CUX1: variants seen among roughly 807,000 people sequenced by gnomAD.
CUX1 encodes the protein cut like homeobox 1.
CUX1 carries 31 observed loss-of-function variants against 158.8 expected under a neutral mutation model. The ratio of observed to expected loss-of-function variants is 0.20; its 90% CI spans 0.15 to 0.26. The LOEUF (loss-of-function observed/expected upper bound fraction) is 0.26. CUX1 is among the 10% of genes least tolerant of loss of function. The pLI, the probability that CUX1 is intolerant of heterozygous loss-of-function variation, is 1.00. For missense variants in CUX1, 1,589 were observed against 2,014.6 expected, an observed-to-expected ratio of 0.79 and a Z score of 4.04; for synonymous variants, 879 against 862.1, an observed-to-expected ratio of 1.02 and a Z score of -0.34.
intron 2 of CUX1, among the ~76,000 whole-genome samples, chr7:101,930,918 G>A (rs1034379918): frequency 2.6e-5 from 4 of 152,280 alleles, no homozygotes; most frequent in South Asian, 2.1e-4. Flanking sequence ...CCAACATGGC[G>A]AAACCCCGTC....
rs1462868599 is a variant in CUX1 at position 102,256,362 on chromosome 7, A to G, written c.*7320A>G. The G allele has an allele frequency of 1.0e-6, 1 of 984,414 alleles. No homozygotes were observed. Among genetic ancestry groups the G allele is most frequent in the Non-Finnish European group, 1.2e-6 (1 of 829,720 alleles). 61.0% of individuals were successfully genotyped at this position (984,414 alleles called of 1,614,324 possible). On this transcript the variant is annotated 3_prime_UTR_variant, in exon 24 of 24. Transcript: ENST00000292535. ...TCTTCTATTTATTATTAGGTTAATC[A>G]TTTAAGTACTTATCAGGAGTGTATT... is the stretch of plus-strand genomic sequence containing the variant.
At chr7:102,280,049 G>T in exon 19 of CUX1, 1 of 1,608,162 alleles carries the variant, frequency 6.2e-7, no homozygotes. Context: ...CAGCGGCAGT[G>T]ATGACACGGA....
chr7:102,234,745 C>T (rs1799360401), intron 22 of CUX1, among the ~76,000 whole-genome samples: 1 of 142,694 alleles, frequency 7.0e-6, no homozygotes, highest in Non-Finnish European at 1.5e-5. Flanking sequence ...CATGGCAAAA[C>T]CCCCTCACTA....
chr7:101,816,526 G>GGGC (rs1452097373), upstream of CUX1, among the ~76,000 whole-genome samples: 4 of 141,734 alleles, frequency 2.8e-5, no homozygotes, highest in African/African-American at 1.0e-4. Context: ...GGCGGGGGGC[G>GGGC]GGCGGCGGCG....
At chr7:102,274,328 C>T in intron 16 of CUX1, 10 of 1,607,782 alleles carry the variant, frequency 6.2e-6, no homozygotes, top group Non-Finnish European at 8.5e-6. Flanking sequence ...GAGGCCTGAC[C>T]CATGGGAGGA....
intron 7 of CUX1, among the ~76,000 whole-genome samples, chr7:102,113,053 T>C (rs1831093377): frequency 6.6e-6 from 1 of 151,958 alleles, no homozygotes; most frequent in Non-Finnish European, 1.5e-5. Flanking sequence ...TGTAAATCAA[T>C]CCATTAAAGG....
At chr7:102,266,064 C>T (rs963533865) in intron 14 of CUX1, among the ~76,000 whole-genome samples, 22 of 151,812 alleles carry the variant, frequency 1.4e-4, no homozygotes, top group African/African-American at 4.1e-4. Flanking sequence ...ATTAGCCAGG[C>T]GTGGTGGTTC....
At chr7:102,131,766 A>G (rs1833268494) in intron 8 of CUX1, among the ~76,000 whole-genome samples, 2 of 150,948 alleles carry the variant, frequency 1.3e-5, no homozygotes, top group South Asian at 4.2e-4. Flanking sequence ...TCTGCCTCCC[A>G]GGTTCAAGCA....
chr7:101,836,101 G>T (rs919892587), intron 1 of CUX1, among the ~76,000 whole-genome samples: 1 of 152,178 alleles, frequency 6.6e-6, no homozygotes, highest in Non-Finnish European at 1.5e-5. Flanking sequence ...TCAAATACTA[G>T]GCCTTATTCA....
Position 101,868,543 on chromosome 7 carries a change from C to T in CUX1, c.31-47572C>T, listed in dbSNP as rs1416133091. ...GGACAGGCACCTTAGCGCTTGGTGC[C>T]CTGGGATGGAACAGCCACTGGACAG... On this transcript the variant is annotated intron_variant, in intron 1 of 23. Coordinates refer to ENST00000292535, the MANE Select transcript of CUX1 (RefSeq NM_181552.4). Among the ~76,000 whole-genome samples the T allele has an allele frequency of 9.8e-5, 15 of 152,294 alleles. No homozygotes were observed. The East Asian group carries it at 2.9e-3, about 29-fold the overall frequency.
At chr7:101,835,188 A>G (rs568898507) in intron 1 of CUX1, among the ~76,000 whole-genome samples, 9 of 152,042 alleles carry the variant, frequency 5.9e-5, no homozygotes, top group African/African-American at 1.9e-4. Flanking sequence ...CCCCGTAACC[A>G]TTCATCTATT....
At chr7:101,984,142 ATATATATGTG>A (rs1329232040) in intron 2 of CUX1, among the ~76,000 whole-genome samples, 14 of 70,784 alleles carry the variant, frequency 2.0e-4, no homozygotes, top group Non-Finnish European at 3.4e-4. Context: ...ACACACACAT[ATATATATGTG>A]TGTGTGTGTG....
chr7:102,163,394 G>A (rs1258438214), intron 9 of CUX1, among the ~76,000 whole-genome samples: 2 of 152,070 alleles, frequency 1.3e-5, no homozygotes, highest in Non-Finnish European at 2.9e-5. Flanking sequence ...AACCCAGGAG[G>A]CTGAGATGGG....
At chr7:101,834,027 C>T (rs1029023278) in intron 1 of CUX1, among the ~76,000 whole-genome samples, 5 of 152,054 alleles carry the variant, frequency 3.3e-5, no homozygotes, top group African/African-American at 1.2e-4. Flanking sequence ...TTCCTTATCC[C>T]CAGACTTCTG....
At chr7:102,115,184 G>A in intron 7 of CUX1, 23 bp from the exon 8 acceptor site, 1 of 1,598,836 alleles carries the variant, frequency 6.3e-7, no homozygotes, top group South Asian at 1.1e-5. Flanking sequence ...CATTTAAATA[G>A]TTAGTAATTC....
At chr7:101,951,746 ATCCGCCCGCATCGGCCT>A (rs1809086257) in intron 2 of CUX1, among the ~76,000 whole-genome samples, 1 of 152,120 alleles carries the variant, frequency 6.6e-6, no homozygotes, top group Non-Finnish European at 1.5e-5. Flanking sequence ...TGACCTTGTG[ATCCGCCCGCATCGGCCT>A]CCCGAAGTGC....
intron 3 of CUX1, among the ~76,000 whole-genome samples, chr7:102,063,415 G>C (rs1825173978): frequency 8.5e-6 from 1 of 117,594 alleles, no homozygotes; most frequent in Non-Finnish European, 1.6e-5. Context: ...TTGAGACGGA[G>C]TCTCACTCTG....
chr7:102,096,683 G>T (rs1479761179), intron 4 of CUX1, among the ~76,000 whole-genome samples: 5 of 152,190 alleles, frequency 3.3e-5, no homozygotes, highest in Admixed American at 6.5e-5. Context: ...TCCAGCCTGG[G>T]CGACAGAGTG....
chr7:102,280,461 T>C (rs1471282336), intron 19 of CUX1, among the ~76,000 whole-genome samples: 1 of 152,120 alleles, frequency 6.6e-6, no homozygotes. Context: ...GAAAAACCAG[T>C]TACAGCTCCC....
Sources: gnomAD v4.1 joint callset for allele counts (sites outside exome capture counted in the v4.1 genomes callset) on GRCh38, gnomAD v4.1.1 for gene constraint, MANE v1.5 for transcripts, NCBI Gene and HGNC (gene_info 2026-07-23, HGNC 2026-07-21) for gene names.